Variants in BRI3 observed in about 807,000 individuals in gnomAD.
BRI3 encodes membrane protein BRI3.
BRI3 carries 6 observed loss-of-function variants against 12.8 expected under a neutral mutation model. The observed-to-expected ratio is 0.47, with a 90% CI of 0.26 to 0.93. The LOEUF is 0.93. Among genes scored for constraint, BRI3 ranks in the 40% least tolerant of loss-of-function variants. BRI3 has a pLI of 0.15. For synonymous variants in BRI3, 91 were observed against 76.1 expected (o/e 1.20, Z -1.02); for missense variants, 134 against 171.1 (o/e 0.78, Z 1.21).
downstream of BRI3, among the ~76,000 whole-genome samples, chr7:98,311,690 G>A (rs1041374442): frequency 7.2e-5 from 11 of 151,828 alleles, no homozygotes; most frequent in African/African-American, 1.9e-4. Context: ...GACAGATCAC[G>A]AGGTCAGGAG....
chr7:98,284,848 CCT>C (rs1799658743), intron 2 of BRI3, among the ~76,000 whole-genome samples: 1 of 150,576 alleles, frequency 6.6e-6, no homozygotes, highest in South Asian at 2.1e-4. Context: ...CTGCTTCACC[CCT>C]GCCCTGCCCT....
At chr7:98,321,430 C>T in the BRI3 span, among the ~76,000 whole-genome samples, 1 of 152,124 alleles carries the variant, frequency 6.6e-6, no homozygotes, top group Non-Finnish European at 1.5e-5. Flanking sequence ...AGTGCTCAGC[C>T]CTGCCTCTGC....
At chr7:98,292,821 C>T (rs1193148242), downstream of BRI3, 29 of 1,482,494 alleles carry the variant, frequency 2.0e-5, no homozygotes, top group African/African-American at 2.8e-5. Context: ...CTGGATGGGC[C>T]GTGTGCAGCG....
downstream of BRI3, chr7:98,293,126 T>A: frequency 2.6e-6 from 1 of 387,574 alleles, no homozygotes. Flanking sequence ...TAAGAGCACA[T>A]GCTTTATAAA....
At chr7:98,316,105 T>G in the BRI3 span, among the ~76,000 whole-genome samples, 1 of 152,152 alleles carries the variant, frequency 6.6e-6, no homozygotes, top group African/African-American at 2.4e-5. Context: ...ATTCTTGTGA[T>G]AGTGAATAAG....
chr7:98,282,319 T>C (rs964071557), intron 1 of BRI3, 32 bp from the exon 2 acceptor site: 29 of 1,559,948 alleles, frequency 1.9e-5, no homozygotes, highest in Middle Eastern at 1.7e-4. Flanking sequence ...TTCTCCTCCC[T>C]GCACCCTAAT....
chr7:98,289,652 G>C (rs1448489517), intron 2 of BRI3, among the ~76,000 whole-genome samples: 1 of 152,212 alleles, frequency 6.6e-6, no homozygotes, highest in Non-Finnish European at 1.5e-5. Flanking sequence ...CTGGCTGGAT[G>C]GGGGGTTTGG....
downstream of BRI3, among the ~76,000 whole-genome samples, chr7:98,311,532 CTG>C (rs778318006): frequency 1.3e-5 from 2 of 150,992 alleles, no homozygotes; most frequent in African/African-American, 2.4e-5. Context: ...CAGAGCAAGA[CTG>C]TGTCTCAAAA....
chr7:98,304,927 G>A (rs979442869), upstream of BRI3, among the ~76,000 whole-genome samples: 17 of 149,300 alleles, frequency 1.1e-4, no homozygotes, highest in East Asian at 5.9e-4. Context: ...GTGCAGTGGC[G>A]CGATCTTGGC....
chr7:98,286,467 GGGGAGGGGCGGCTA>G (rs1799714158), intron 2 of BRI3, among the ~76,000 whole-genome samples: 1 of 152,216 alleles, frequency 6.6e-6, no homozygotes, highest in African/African-American at 2.4e-5. Context: ...CACAAGAATG[GGGGAGGGGCGGCTA>G]GAGAGAGCCG....
chr7:98,315,641 A>AATAATT, the BRI3 span: 70 of 1,055,400 alleles, frequency 6.6e-5, no homozygotes, highest in Non-Finnish European at 5.4e-5. Flanking sequence ...TAATAATAAT[A>AATAATT]ATTATATAAG....
chr7:98,299,394 A>G (rs567524283), intron 1 of BRI3, among the ~76,000 whole-genome samples: 16 of 151,184 alleles, frequency 1.1e-4, no homozygotes, highest in Admixed American at 7.9e-4. Flanking sequence ...CTAGGCTCAA[A>G]TGATCCTCCC....
chr7:98,292,656 G>C (rs1254822811), downstream of BRI3: 3 of 1,551,672 alleles, frequency 1.9e-6, no homozygotes, highest in South Asian at 3.6e-5. Flanking sequence ...AGGTCATCCT[G>C]GCTTTACACG....
At position 98,281,692 on chromosome 7, in the gene BRI3, G is replaced by C. The variant is rs1287956349; in HGVS notation, c.-104G>C. 4.2e-6 allele frequency: 2 copies of C among 481,464 alleles called. No homozygotes were observed. The highest frequency in any genetic ancestry group is 6.5e-5 in the Admixed American group (1 of 15,278). 29.8% of individuals were successfully genotyped at this position (481,464 alleles called of 1,614,324 possible). A position where few individuals can be genotyped will look rare whatever the true frequency, so the allele number is the denominator to read the frequency against. On this transcript the variant is annotated 5_prime_UTR_variant, in exon 1 of 3. Transcript: ENST00000297290. ...CCCGCCCCGCGTCTGCCTCAGAGGG[G>C]CCCGAGCCACCCGGTCCGCCGCGTC... is the stretch of plus-strand genomic sequence containing the variant.
the BRI3 span, chr7:98,320,288 G>A: frequency 1.2e-6 from 2 of 1,606,448 alleles, no homozygotes; most frequent in Non-Finnish European, 8.5e-7. Context: ...AAATCTCTAT[G>A]AGGACATGTC....
chr7:98,288,788 A>AGGTTGGAGGTGG (rs11275179), intron 2 of BRI3, among the ~76,000 whole-genome samples: 2 of 150,564 alleles, frequency 1.3e-5, no homozygotes, highest in Non-Finnish European at 1.5e-5. Context: ...TTTTGTAGGG[A>AGGTTGGAGGTGG]GGGGTCTTTG....
intron 2 of BRI3, among the ~76,000 whole-genome samples, chr7:98,286,444 G>T (rs573460899): frequency 3.3e-5 from 5 of 152,186 alleles, no homozygotes; most frequent in Admixed American, 6.5e-5. Context: ...CTCCCTGGCC[G>T]CGTGGCTTAT....
At chr7:98,319,016 G>A in the BRI3 span, among the ~76,000 whole-genome samples, 1 of 151,834 alleles carries the variant, frequency 6.6e-6, no homozygotes, top group African/African-American at 2.4e-5. Context: ...GATAACGTAT[G>A]TAAATCACTT....
chr7:98,297,106 A>G (rs1800224245), downstream of BRI3, among the ~76,000 whole-genome samples: 3 of 152,344 alleles, frequency 2.0e-5, no homozygotes, highest in Admixed American at 6.5e-5. Context: ...AGCCACTACG[A>G]GAGTGGTTGG....
Sources: allele counts gnomAD v4.1 joint callset (sites outside exome capture counted in the v4.1 genomes callset), GRCh38; gene constraint gnomAD v4.1.1; transcripts MANE v1.5; gene names NCBI Gene and HGNC (gene_info 2026-07-23, HGNC 2026-07-21).